Variants in FOXN3 observed in about 807,000 individuals in gnomAD.
FOXN3 encodes the protein forkhead box protein N3.
In FOXN3, 7 loss-of-function variants were observed where a neutral mutation model predicts 38.4. The ratio of observed to expected loss-of-function variants is 0.18; its 90% CI spans 0.10 to 0.34. The LOEUF is 0.34. Ranked by LOEUF, FOXN3 falls within the 10% of genes least tolerant of loss-of-function variation. The pLI, the probability that FOXN3 is intolerant of heterozygous loss-of-function variation, is 1.00. For missense variants in FOXN3, 456 were observed against 613.4 expected, an observed-to-expected ratio of 0.74 and a Z score of 2.71; for synonymous variants, 230 against 242.2, an observed-to-expected ratio of 0.95 and a Z score of 0.47.
chr14:89,341,654 G>C (rs1477652207), intron 3 of FOXN3, among the ~76,000 whole-genome samples: 1 of 152,042 alleles, frequency 6.6e-6, no homozygotes, highest in African/African-American at 2.4e-5. Flanking sequence ...TGTGCTAACA[G>C]GTTTTTATTT....
At chr14:89,428,587 A>C (rs1022537924) in intron 1 of FOXN3, among the ~76,000 whole-genome samples, 1 of 152,218 alleles carries the variant, frequency 6.6e-6, no homozygotes, top group African/African-American at 2.4e-5. Context: ...GTCCTTTTTA[A>C]GTTGGCATTG....
intron 1 of FOXN3, among the ~76,000 whole-genome samples, chr14:89,600,651 G>T (rs539760075): frequency 6.6e-6 from 1 of 152,300 alleles, no homozygotes; most frequent in African/African-American, 2.4e-5. Flanking sequence ...CAGGATAGAA[G>T]TAAACCCTTA....
intron 1 of FOXN3, among the ~76,000 whole-genome samples, chr14:89,444,540 G>A (rs369980447): frequency 2.6e-5 from 4 of 152,074 alleles, no homozygotes; most frequent in African/African-American, 7.2e-5. Context: ...TAGGAGAAAC[G>A]GTTATTATAG....
intron 2 of FOXN3, among the ~76,000 whole-genome samples, chr14:89,410,549 C>T (rs1054464868): frequency 2.6e-5 from 4 of 152,158 alleles, no homozygotes; most frequent in African/African-American, 7.2e-5. Context: ...TAACAGCTGC[C>T]CAATTTCTAC....
At chr14:89,513,482 C>T (rs1279555965) in intron 1 of FOXN3, among the ~76,000 whole-genome samples, 1 of 152,158 alleles carries the variant, frequency 6.6e-6, no homozygotes, top group African/African-American at 2.4e-5. Flanking sequence ...TCAAGCCATC[C>T]TCCTGCCTCA....
chr14:89,428,559 G>T (rs1319019977), intron 1 of FOXN3, among the ~76,000 whole-genome samples: 1 of 152,150 alleles, frequency 6.6e-6, no homozygotes, highest in Non-Finnish European at 1.5e-5. Context: ...CAAAGATTTG[G>T]CCCCCAAACA....
chr14:89,588,082 T>G (rs1255829821), intron 1 of FOXN3, among the ~76,000 whole-genome samples: 2 of 152,036 alleles, frequency 1.3e-5, no homozygotes, highest in African/African-American at 4.8e-5. Flanking sequence ...CATGAAAGGT[T>G]TAGCACCATC....
intron 1 of FOXN3, among the ~76,000 whole-genome samples, chr14:89,606,880 T>A (rs1171115299): frequency 6.6e-6 from 1 of 151,988 alleles, no homozygotes; most frequent in Non-Finnish European, 1.5e-5. Flanking sequence ...AATAAAACTG[T>A]ATACCTGCCT....
intron 4 of FOXN3, among the ~76,000 whole-genome samples, chr14:89,259,639 G>A (rs1017521872): frequency 6.6e-6 from 1 of 152,046 alleles, no homozygotes; most frequent in Admixed American, 6.6e-5. Flanking sequence ...TTGGAACTAG[G>A]CGGGATATGT....
Position 89,445,676 on chromosome 14 carries a change from G to A in FOXN3, c.-14-33186C>T, listed in dbSNP as rs78709680. 7.7e-3 allele frequency among the ~76,000 whole-genome samples: 1,176 copies of A among 152,168 alleles called. 13 individuals are homozygous for A. The highest frequency in any genetic ancestry group is 0.026 in the African/African-American group (1,100 of 41,526). On this transcript the variant is annotated intron_variant, in intron 1 of 6. Transcript: ENST00000345097. ...AAAATCCCCCAGGGTCCTCAGAAGA[G>A]ACCAGAGTTTGAGATCTCAAAACCT...
chr14:89,528,366 A>G (rs1343832080), intron 1 of FOXN3, among the ~76,000 whole-genome samples: 1 of 130,114 alleles, frequency 7.7e-6, no homozygotes, highest in Admixed American at 8.2e-5. Context: ...CATACTCAAC[A>G]TGGATGAATC....
intron 2 of FOXN3, among the ~76,000 whole-genome samples, chr14:89,363,947 A>AATAAATATATATATATATATATATATAT (rs1198064384): frequency 9.0e-6 from 1 of 111,400 alleles, no homozygotes; most frequent in African/African-American, 5.2e-5. Context: ...CTGTCTGTAA[A>AATAAATATATATATATATATATATATAT]ATATATATAT....
At chr14:89,552,319 C>T (rs372034769) in intron 1 of FOXN3, among the ~76,000 whole-genome samples, 2 of 152,198 alleles carry the variant, frequency 1.3e-5, no homozygotes, top group South Asian at 2.1e-4. Flanking sequence ...CCAGCAAATA[C>T]GAGCATGCAG....
chr14:89,194,742 T>C (rs551983533), intron 4 of FOXN3, among the ~76,000 whole-genome samples: 178 of 150,644 alleles, frequency 1.2e-3, no homozygotes, highest in African/African-American at 3.9e-3. Flanking sequence ...TAGATGGATA[T>C]AATTTGAGAG....
intron 1 of FOXN3, among the ~76,000 whole-genome samples, chr14:89,595,054 C>T (rs111397014): frequency 0.057 from 8,683 of 152,024 alleles, 583 homozygotes; most frequent in African/African-American, 0.15. Flanking sequence ...CAGTGGCTCA[C>T]GCCTGTAATC....
At chr14:89,555,799 G>A (rs116449524) in intron 1 of FOXN3, among the ~76,000 whole-genome samples, 82 of 147,836 alleles carry the variant, frequency 5.5e-4, no homozygotes, top group African/African-American at 2.0e-3. Context: ...TAAGTTTGTA[G>A]CCAGGACTAG....
At chr14:89,446,898 C>T (rs1231485593) in intron 1 of FOXN3, among the ~76,000 whole-genome samples, 1 of 152,156 alleles carries the variant, frequency 6.6e-6, no homozygotes, top group Non-Finnish European at 1.5e-5. Flanking sequence ...TCTCTATTTC[C>T]TTAAAATGAA....
Position 89,417,017 on chromosome 14 carries a change from C to T in FOXN3, c.-161G>A, listed in dbSNP as rs1231270203. The T allele has an allele frequency of 6.9e-6, 1 of 144,806 alleles. No individual in the cohort carries two copies. The highest frequency in any genetic ancestry group is 1.5e-5 in the Non-Finnish European group (1 of 65,296). 9.0% of individuals were successfully genotyped at this position (144,806 alleles called of 1,614,324 possible). ...GCGGCGAGCCCGGGGCGGCGGGCGG[C>T]GGGGGGCGGCCGCGGGCGCGGGCGG... is the stretch of plus-strand genomic sequence containing the variant. On this transcript the variant is annotated 5_prime_UTR_variant, in exon 1 of 6. Coordinates refer to ENST00000557258, the MANE Select transcript of FOXN3 (RefSeq NM_005197.4).
intron 2 of FOXN3, among the ~76,000 whole-genome samples, chr14:89,351,924 A>T (rs1157140716): frequency 6.6e-6 from 1 of 152,258 alleles, no homozygotes; most frequent in African/African-American, 2.4e-5. Flanking sequence ...TTAAAAGTTT[A>T]AAAAAATCTG....
Sources: gnomAD v4.1 joint callset for allele counts (sites outside exome capture counted in the v4.1 genomes callset) on GRCh38, gnomAD v4.1.1 for gene constraint, MANE v1.5 for transcripts, NCBI Gene and HGNC (gene_info 2026-07-23, HGNC 2026-07-21) for gene names.